The following C1orf198 variants were observed in gnomAD, a reference collection of about 807,000 sequenced individuals.
C1orf198 encodes the protein chromosome 1 open reading frame 198, also known as uncharacterized protein C1orf198.
In C1orf198, 17 loss-of-function variants were observed where a neutral mutation model predicts 31.4. The ratio of observed to expected loss-of-function variants is 0.54; its 90% confidence interval spans 0.37 to 0.81. The LOEUF (loss-of-function observed/expected upper bound fraction) is 0.81. Among genes scored for constraint, C1orf198 ranks in the 40% least tolerant of loss-of-function variants. C1orf198 has a pLI of 0.00. For synonymous variants in C1orf198, 175 were observed against 193.8 expected, an observed-to-expected ratio of 0.90 and a Z score of 0.81; for missense variants, 401 against 450.3, an observed-to-expected ratio of 0.89 and a Z score of 0.99.
rs150732112 is a variant in C1orf198 at position 230,851,926 on chromosome 1, T to C, written c.384+3742A>G. On this transcript the variant is annotated intron_variant, in intron 2 of 3. Transcript: ENST00000366663. ...GGGCTGGCCAAGAGAAAGGAACCCATACAGAGGTGCAGCAGTTGGGTGAGA... is the reference window on the plus strand; with the variant it reads ...GGGCTGGCCAAGAGAAAGGAACCCACACAGAGGTGCAGCAGTTGGGTGAGA... Among the ~76,000 whole-genome samples, 14 of 152,292 alleles carry C rather than the reference T, an allele frequency of 9.2e-5. No homozygotes were observed. In the East Asian group the frequency reaches 2.7e-3, roughly 29 times the overall value.
At chr1:230,844,028 T>C (rs1057413678) in intron 2 of C1orf198, 132 bp from the exon 3 acceptor site, 1 of 937,440 alleles carries the variant, frequency 1.1e-6, no homozygotes, top group Non-Finnish European at 1.6e-6. Flanking sequence ...GTTGCCCATG[T>C]GCTGGAACTG....
At chr1:230,868,659 C>G, upstream of C1orf198, 1 of 597,170 alleles carries the variant, frequency 1.7e-6, no homozygotes, top group Non-Finnish European at 2.2e-6. Flanking sequence ...ACCCAGCTCC[C>G]CAAGCCCCGG....
chr1:230,845,474 G>C (rs988013312), intron 2 of C1orf198, among the ~76,000 whole-genome samples: 1 of 152,116 alleles, frequency 6.6e-6, no homozygotes, highest in Admixed American at 6.5e-5. Context: ...TCTGAGGTCA[G>C]GAGTTTCAGA....
rs964367586 is a variant in C1orf198, at chr1:230,843,952, G to A, written c.385-56C>T. 59 of 1,479,348 alleles carry A rather than the reference G, an allele frequency of 4.0e-5. No individual in the cohort carries two copies. The highest frequency in any genetic ancestry group is 1.8e-4 in the Middle Eastern group (1 of 5,538). The allele number at this position is 1,479,348 out of a possible 1,614,324, so 91.6% of individuals were successfully genotyped here. ...AAGAAAGAGATCCTGAGAATCGACCGTCACAAGTGTGCCAGCTCACGCACC... is the reference window on the plus strand; with the variant it reads ...AAGAAAGAGATCCTGAGAATCGACCATCACAAGTGTGCCAGCTCACGCACC... On this transcript the variant is annotated intron_variant, in intron 2 of 3. Transcript: ENST00000366663. The surrounding 1 kb of genome is among the most constrained non-coding windows in gnomAD (Gnocchi z 4.9).
chr1:230,850,627 G>A (rs1669715699), intron 2 of C1orf198, among the ~76,000 whole-genome samples: 1 of 152,070 alleles, frequency 6.6e-6, no homozygotes, highest in African/African-American at 2.4e-5. Flanking sequence ...CAAGAGCAGG[G>A]GCACACAGGG....
chr1:230,849,665 A>G (rs1247570606), intron 2 of C1orf198, among the ~76,000 whole-genome samples: 1 of 152,248 alleles, frequency 6.6e-6, no homozygotes, highest in African/African-American at 2.4e-5. Context: ...AATGTGTAAT[A>G]TTTCAGTAAA....
intron 1 of C1orf198, among the ~76,000 whole-genome samples, chr1:230,863,159 C>T (rs978983415): frequency 1.3e-5 from 2 of 152,142 alleles, no homozygotes; most frequent in African/African-American, 4.8e-5. Context: ...GTTTCCATAA[C>T]TGGAAATACA....
intron 2 of C1orf198, among the ~76,000 whole-genome samples, chr1:230,855,149 A>T (rs1669842564): frequency 6.6e-6 from 1 of 152,210 alleles, no homozygotes; most frequent in African/African-American, 2.4e-5. Context: ...TGATGCTCTT[A>T]AGCAACTCTG....
intron 1 of C1orf198, among the ~76,000 whole-genome samples, chr1:230,861,059 G>A (rs1397743987): frequency 2.6e-5 from 4 of 152,202 alleles, no homozygotes; most frequent in African/African-American, 9.7e-5. Flanking sequence ...GTGGCTGCCA[G>A]AGCCTGGGGG....
At chr1:230,845,734 T>C (rs979034595) in intron 2 of C1orf198, among the ~76,000 whole-genome samples, 1 of 151,886 alleles carries the variant, frequency 6.6e-6, no homozygotes, top group African/African-American at 2.4e-5. Context: ...TAAAAATAAA[T>C]AAATAAAAGT....
chr1:230,853,906 C>T (rs975102141), intron 2 of C1orf198, among the ~76,000 whole-genome samples: 6 of 152,168 alleles, frequency 3.9e-5, no homozygotes, highest in Non-Finnish European at 5.9e-5. Context: ...AGATCTTCGC[C>T]AGGCACCTGT....
At chr1:230,853,815 A>G (rs951324184) in intron 2 of C1orf198, among the ~76,000 whole-genome samples, 3 of 152,220 alleles carry the variant, frequency 2.0e-5, no homozygotes, top group Non-Finnish European at 2.9e-5. Flanking sequence ...CTAAGGGACC[A>G]GATATGCTGG....
At position 230,837,494 on chromosome 1, in the gene C1orf198, G is replaced by A. The variant is rs1362028526; in HGVS notation, c.*2358C>T. The A allele has an allele frequency of 6.6e-6, 1 of 152,240 alleles. No homozygotes were observed. The highest frequency in any genetic ancestry group is 1.5e-5 in the Non-Finnish European group (1 of 68,048). The allele number at this position is 152,240 out of a possible 1,614,324, so 9.4% of individuals were successfully genotyped here. On this transcript the variant is annotated 3_prime_UTR_variant, in exon 4 of 4. Coordinates refer to ENST00000366663, the MANE Select transcript of C1orf198 (RefSeq NM_032800.3). ...ATCATGCTCAGGTTTCTCCTGAAAA[G>A]TGTGTATTTTCTAAAAAATAAATAT... is the stretch of plus-strand genomic sequence containing the variant.
At chr1:230,848,322 T>C (rs1669646230) in intron 2 of C1orf198, among the ~76,000 whole-genome samples, 2 of 152,168 alleles carry the variant, frequency 1.3e-5, no homozygotes, top group South Asian at 4.1e-4. Flanking sequence ...AAATAACGTA[T>C]AACTACAATC....
At chr1:230,851,995 C>A (rs1202565) in intron 2 of C1orf198, among the ~76,000 whole-genome samples, 59,743 of 152,010 alleles carry the variant, frequency 0.39, 12,817 homozygotes, top group Middle Eastern at 0.56. Context: ...ATGGCCATGA[C>A]CTTGGGTCAG....
intron 1 of C1orf198, among the ~76,000 whole-genome samples, chr1:230,865,121 A>G (rs1202581): frequency 0.55 from 83,631 of 152,030 alleles, 24,393 homozygotes; most frequent in South Asian, 0.73. Flanking sequence ...TCCAAGCCAG[A>G]CCAGCGAGTT....
At chr1:230,850,068 C>T (rs1385303548) in intron 2 of C1orf198, among the ~76,000 whole-genome samples, 1 of 152,186 alleles carries the variant, frequency 6.6e-6, no homozygotes. Context: ...GTGCACCAGT[C>T]CCCAGGGTTG....
intron 3 of C1orf198, 32 bp from the exon 4 acceptor site, chr1:230,839,940 C>T (rs772297312): frequency 3.1e-5 from 49 of 1,573,284 alleles, no homozygotes; most frequent in South Asian, 1.4e-4. Flanking sequence ...GGAAGTAAGA[C>T]GAGCCTCTTT....
intron 1 of C1orf198, among the ~76,000 whole-genome samples, chr1:230,860,046 G>A (rs1669974267): frequency 6.6e-6 from 1 of 152,158 alleles, no homozygotes; most frequent in African/African-American, 2.4e-5. Flanking sequence ...AGAGCTGATT[G>A]TAAAATTTTG....
Sources: gnomAD v4.1 joint callset for allele counts (sites outside exome capture counted in the v4.1 genomes callset) on GRCh38, gnomAD v4.1.1 for gene constraint, Gnocchi (gnomAD v3.1) non-coding constraint, MANE v1.5 for transcripts, NCBI Gene and HGNC (gene_info 2026-07-23, HGNC 2026-07-21) for gene names.